The following LRTM3 variants were observed in gnomAD, a reference collection of about 807,000 sequenced individuals.
The protein encoded by LRTM3 is leucine rich repeat transmembrane protein 3, also known as leucine-rich repeat transmembrane protein 3.
chr13:102,741,146 T>A, the LRTM3 span: 4 of 1,549,240 alleles, frequency 2.6e-6, no homozygotes, highest in Middle Eastern at 1.7e-4. Context: ...ATTCTGATAA[T>A]AATTACTTAG....
At chr13:102,754,402 CA>C in the LRTM3 span, among the ~76,000 whole-genome samples, 3 of 152,082 alleles carry the variant, frequency 2.0e-5, no homozygotes, top group African/African-American at 7.2e-5. Context: ...CTCACCCCCA[CA>C]CCCTGTTTTG....
chr13:102,745,571 A>C, the LRTM3 span: 2 of 1,550,910 alleles, frequency 1.3e-6, no homozygotes, highest in African/African-American at 2.7e-5. Context: ...TGCCTTTATA[A>C]TTCCACATTT....
the LRTM3 span, chr13:102,758,796 A>C: frequency 6.5e-7 from 1 of 1,549,986 alleles, no homozygotes; most frequent in Non-Finnish European, 8.7e-7. Context: ...AATAATTCCT[A>C]GTAAAATTAT....
the LRTM3 span, chr13:102,738,622 G>A: frequency 1.3e-6 from 2 of 1,550,156 alleles, no homozygotes; most frequent in Non-Finnish European, 1.7e-6. Context: ...CACTGTTTGA[G>A]ATATTATCAG....
the LRTM3 span, chr13:102,736,261 C>T: frequency 5.2e-6 from 8 of 1,550,976 alleles, no homozygotes; most frequent in Non-Finnish European, 7.0e-6. Flanking sequence ...TGTCCTGCTT[C>T]TGTCCTGCTC....
the LRTM3 span, chr13:102,739,904 CT>C: frequency 6.5e-7 from 1 of 1,550,276 alleles, no homozygotes; most frequent in Non-Finnish European, 8.7e-7. Flanking sequence ...CATTTCTAGT[CT>C]GTTACTTGAG....
At chr13:102,737,937 CT>C in the LRTM3 span, 3 of 1,550,874 alleles carry the variant, frequency 1.9e-6, no homozygotes, top group Non-Finnish European at 2.6e-6. Flanking sequence ...TCCATTTTCC[CT>C]TGCTCTATGC....
chr13:102,756,813 C>T, the LRTM3 span, among the ~76,000 whole-genome samples: 1 of 151,372 alleles, frequency 6.6e-6, no homozygotes, highest in African/African-American at 2.4e-5. Context: ...TTCTCTAATC[C>T]TTTTTCTTCA....
the LRTM3 span, chr13:102,741,924 T>G: frequency 6.4e-7 from 1 of 1,550,566 alleles, no homozygotes; most frequent in Non-Finnish European, 8.7e-7. Context: ...TCTTCTGAAA[T>G]GCTTTGGTGT....
At chr13:102,745,856 G>A in the LRTM3 span, 2 of 1,551,140 alleles carry the variant, frequency 1.3e-6, no homozygotes, top group Non-Finnish European at 1.7e-6. Flanking sequence ...AGGGCATGAA[G>A]TAGACTTCAA....
chr13:102,747,855 T>C, the LRTM3 span: 2 of 1,551,334 alleles, frequency 1.3e-6, no homozygotes, highest in Non-Finnish European at 1.7e-6. Context: ...GCTTTACTAC[T>C]TCCTGAACTG....
At chr13:102,747,635 G>C in the LRTM3 span, 4 of 1,551,100 alleles carry the variant, frequency 2.6e-6, no homozygotes, top group Admixed American at 2.0e-5. Flanking sequence ...ACTATACTCT[G>C]TTGTTTCAAT....
chr13:102,737,285 G>T, the LRTM3 span: 3 of 1,551,130 alleles, frequency 1.9e-6, no homozygotes, highest in African/African-American at 2.7e-5. Context: ...TGCATCAAAT[G>T]ATTTCTGCTG....
the LRTM3 span, chr13:102,736,540 T>C: frequency 3.2e-6 from 5 of 1,551,076 alleles, no homozygotes; most frequent in Non-Finnish European, 4.4e-6. Flanking sequence ...TAAAGCTTCT[T>C]GTTATTCGTG....
the LRTM3 span, chr13:102,731,839 A>T: frequency 6.5e-7 from 1 of 1,549,394 alleles, no homozygotes; most frequent in East Asian, 2.4e-5. Context: ...GTAACTTTGG[A>T]TCTTCAAGCA....
At chr13:102,732,559 A>G in the LRTM3 span, 8 of 1,551,068 alleles carry the variant, frequency 5.2e-6, no homozygotes, top group African/African-American at 5.5e-5. Flanking sequence ...TTTGTTTTGC[A>G]TTAGATGCTT....
At chr13:102,745,295 GTAA>G in the LRTM3 span, 1 of 1,550,760 alleles carries the variant, frequency 6.4e-7, no homozygotes. Flanking sequence ...GTCACGTGAA[GTAA>G]TACTATCTTC....
the LRTM3 span, chr13:102,739,019 T>C: frequency 2.1e-5 from 32 of 1,550,514 alleles, no homozygotes; most frequent in Admixed American, 4.9e-4. Context: ...TTCCATTGTA[T>C]CTGATAATTC....
At chr13:102,755,253 A>C in the LRTM3 span, among the ~76,000 whole-genome samples, 1 of 131,526 alleles carries the variant, frequency 7.6e-6, no homozygotes, top group Non-Finnish European at 1.6e-5. Context: ...GTCTCATTTC[A>C]TAAGCAAGAT....
Sources: allele counts gnomAD v4.1 joint callset (sites outside exome capture counted in the v4.1 genomes callset), GRCh38; gene constraint gnomAD v4.1.1; transcripts MANE v1.5; gene names NCBI Gene and HGNC (gene_info 2026-07-23, HGNC 2026-07-21).